The following STX8 variants were observed in gnomAD, a reference collection of about 807,000 sequenced individuals.
STX8 encodes the protein syntaxin-8.
Under a neutral mutation model 37.5 loss-of-function variants are expected in STX8, and 23 were observed. That is an observed-to-expected ratio of 0.61 (90% CI 0.44 to 0.87). The LOEUF is 0.87. STX8 is among the 40% of genes least tolerant of loss of function. The pLI, the probability that STX8 is intolerant of heterozygous loss-of-function variation, is 0.00. For synonymous variants in STX8, 115 were observed against 99.1 expected, an observed-to-expected ratio of 1.16 and a Z score of -0.95; for missense variants, 313 against 284.7, an observed-to-expected ratio of 1.10 and a Z score of -0.71.
At chr17:9,389,764 T>C (rs963906765) in intron 6 of STX8, among the ~76,000 whole-genome samples, 5 of 140,970 alleles carry the variant, frequency 3.5e-5, no homozygotes, top group East Asian at 4.1e-4. Context: ...TGAAGACAAA[T>C]GTTAAAAAAA....
In STX8 at chr17:9,565,780, C is replaced by T. The variant is rs116734846; in HGVS notation, c.117+2591G>A. Among the ~76,000 whole-genome samples, 1,451 of 152,230 alleles carry T rather than the reference C, an allele frequency of 9.5e-3. 31 individuals carry two copies. The highest frequency in any genetic ancestry group is 0.033 in the African/African-American group (1,359 of 41,518). ...CGTGCAGAAGATAGAAATTGAACTC[C>T]TTCCTTACACCACATGCAAAAATTA... On this transcript the variant is annotated intron_variant, in intron 2 of 7. Coordinates refer to ENST00000306357, the MANE Select transcript of STX8 (RefSeq NM_004853.3).
At chr17:9,440,791 C>G (rs1447572389) in intron 6 of STX8, among the ~76,000 whole-genome samples, 1 of 152,128 alleles carries the variant, frequency 6.6e-6, no homozygotes, top group Non-Finnish European at 1.5e-5. Flanking sequence ...TCCCAAAGTG[C>G]TGGGATTACA....
chr17:9,400,086 T>G (rs1912550482), intron 6 of STX8, among the ~76,000 whole-genome samples: 1 of 149,448 alleles, frequency 6.7e-6, no homozygotes, highest in Non-Finnish European at 1.5e-5. Flanking sequence ...AATTATTTAT[T>G]TATTTAATTT....
chr17:9,439,184 T>A (rs1904551825), intron 6 of STX8, among the ~76,000 whole-genome samples: 1 of 152,212 alleles, frequency 6.6e-6, no homozygotes, highest in Non-Finnish European at 1.5e-5. Flanking sequence ...CTTCACATGA[T>A]ATCATTTGCT....
chr17:9,418,644 C>A (rs965425632), intron 6 of STX8, among the ~76,000 whole-genome samples: 1 of 150,980 alleles, frequency 6.6e-6, no homozygotes, highest in Non-Finnish European at 1.5e-5. Flanking sequence ...CTGGCTAACA[C>A]GTGAAACCCC....
At chr17:9,543,146 C>T (rs1436473351) in intron 4 of STX8, among the ~76,000 whole-genome samples, 2 of 152,170 alleles carry the variant, frequency 1.3e-5, no homozygotes, top group Non-Finnish European at 2.9e-5. Flanking sequence ...GCAGAATAGT[C>T]TGAATGTTTT....
intron 4 of STX8, among the ~76,000 whole-genome samples, chr17:9,530,785 G>A (rs1438301469): frequency 6.6e-6 from 1 of 152,094 alleles, no homozygotes; most frequent in Non-Finnish European, 1.5e-5. Context: ...CAATCATTGT[G>A]GTATCTTTTG....
intron 6 of STX8, among the ~76,000 whole-genome samples, chr17:9,391,650 C>A (rs1912223673): frequency 7.4e-6 from 1 of 135,062 alleles, no homozygotes; most frequent in African/African-American, 3.0e-5. Context: ...TTAGAAAAAC[C>A]TTTAAAATAA....
chr17:9,389,014 T>C (rs116028366), intron 6 of STX8, among the ~76,000 whole-genome samples: 1,904 of 152,352 alleles, frequency 0.012, 44 homozygotes, highest in African/African-American at 0.043. Flanking sequence ...TCTATATTTC[T>C]AAATAATGAG....
chr17:9,306,961 T>TA (rs1465203354), intron 7 of STX8, among the ~76,000 whole-genome samples: 1 of 141,696 alleles, frequency 7.1e-6, no homozygotes, highest in Non-Finnish European at 1.6e-5. Flanking sequence ...CCATCTCTAC[T>TA]AAAAATACAA....
intron 6 of STX8, among the ~76,000 whole-genome samples, chr17:9,384,082 A>G (rs1911908198): frequency 6.6e-6 from 1 of 151,912 alleles, no homozygotes; most frequent in African/African-American, 2.4e-5. Flanking sequence ...CTACAGTATA[A>G]AAGAGTTCCT....
chr17:9,262,170 C>G (rs1407430857), intron 7 of STX8, among the ~76,000 whole-genome samples: 2 of 152,206 alleles, frequency 1.3e-5, no homozygotes, highest in African/African-American at 4.8e-5. Flanking sequence ...AATCATTTGA[C>G]CAACACGCAA....
At chr17:9,505,305 A>T in intron 4 of STX8, 143 bp from the exon 5 acceptor site, 1 of 926,772 alleles carries the variant, frequency 1.1e-6, no homozygotes, top group Non-Finnish European at 1.6e-6. Flanking sequence ...AGTTTATGCC[A>T]GGAACTGTAT....
chr17:9,573,045 G>A (rs1907742380), intron 1 of STX8, among the ~76,000 whole-genome samples: 1 of 151,278 alleles, frequency 6.6e-6, no homozygotes. Context: ...AATATGTATT[G>A]TAAACCAAAA....
At chr17:9,518,792 C>T (rs962491703) in intron 4 of STX8, among the ~76,000 whole-genome samples, 4 of 150,510 alleles carry the variant, frequency 2.7e-5, no homozygotes, top group Admixed American at 6.6e-5. Flanking sequence ...CGCCTGAACC[C>T]GGAAGGCAGA....
chr17:9,309,248 T>G (rs1052856814), intron 7 of STX8, among the ~76,000 whole-genome samples: 2 of 152,156 alleles, frequency 1.3e-5, no homozygotes, highest in Non-Finnish European at 2.9e-5. Flanking sequence ...GAAGCAAACA[T>G]TTTTGAGATT....
intron 7 of STX8, among the ~76,000 whole-genome samples, chr17:9,285,201 A>G (rs1482957548): frequency 6.6e-6 from 1 of 152,036 alleles, no homozygotes; most frequent in African/African-American, 2.4e-5. Context: ...CTTAGAGAGA[A>G]AAACAGATTC....
chr17:9,475,908 T>C (rs1906084001), intron 6 of STX8, among the ~76,000 whole-genome samples: 1 of 152,098 alleles, frequency 6.6e-6, no homozygotes. Flanking sequence ...GGGCCGCCCG[T>C]GGTGGCTCAC....
intron 6 of STX8, among the ~76,000 whole-genome samples, chr17:9,475,659 CA>C (rs1432199482): frequency 6.6e-6 from 1 of 152,166 alleles, no homozygotes; most frequent in Non-Finnish European, 1.5e-5. Flanking sequence ...AGGATAGACA[CA>C]GGGGTAAAAA....
Sources: gnomAD v4.1 joint callset for allele counts (sites outside exome capture counted in the v4.1 genomes callset) on GRCh38, gnomAD v4.1.1 for gene constraint, MANE v1.5 for transcripts, NCBI Gene and HGNC (gene_info 2026-07-23, HGNC 2026-07-21) for gene names.